The following TOGARAM2 variants were observed in gnomAD, a reference collection of about 807,000 sequenced individuals.
TOGARAM2 encodes the protein TOG array regulator of axonemal microtubules protein 2.
A neutral mutation model predicts 93.3 loss-of-function variants in TOGARAM2; 85 were observed. That is an observed-to-expected ratio of 0.91 (90% CI 0.76 to 1.09). TOGARAM2 has a LOEUF of 1.09. Ranked by LOEUF, TOGARAM2 falls within the 50% of genes least tolerant of loss-of-function variation. The pLI, the probability that TOGARAM2 is intolerant of heterozygous loss-of-function variation, is 0.00. For missense variants in TOGARAM2, 1,277 were observed against 1,334.5 expected (o/e 0.96, Z 0.67); for synonymous variants, 593 against 552.8 (o/e 1.07, Z -1.02).
At chr2:28,983,200 T>TATATATATATATATATATA (rs1558400424) in intron 1 of TOGARAM2, among the ~76,000 whole-genome samples, 1 of 21,270 alleles carries the variant, frequency 4.7e-5, no homozygotes, top group African/African-American at 1.7e-4. Flanking sequence ...ATATATATAT[T>TATATATATATATATATATA]TTTTTTTTTT....
chr2:29,035,000 A>G (rs1665995336), intron 16 of TOGARAM2, among the ~76,000 whole-genome samples: 1 of 152,072 alleles, frequency 6.6e-6, no homozygotes, highest in Admixed American at 6.5e-5. Context: ...ACATACAAAA[A>G]TTAGCCGGGC....
chr2:29,045,708 G>C (rs1220466107), intron 19 of TOGARAM2: 1 of 399,248 alleles, frequency 2.5e-6, no homozygotes, highest in Admixed American at 4.3e-5. Flanking sequence ...GAAACTTTTT[G>C]AGCGCTGACA....
chr2:28,998,211 C>T lies in TOGARAM2; in HGVS notation c.97C>T (p.Leu33Phe). ...TCGGACCAGTGCTGGGCCCCGGGTG[C>T]TCCCGCCTGGAAGCATCAACTCCAG... ...IPRTSAGPRV[L>F]PPGSINSSLP... The change falls in exon 3 of 20, where the codon CTC (leucine) becomes TTC (phenylalanine). Residue 33 changes from leucine to phenylalanine, a missense_variant. By Grantham distance (22) the Leu-to-Phe change is conservative. Transcript: ENST00000379558. 6.2e-7 allele frequency: 1 copy of T among 1,612,372 alleles called. No individual in the cohort carries two copies. The highest frequency in any genetic ancestry group is 8.5e-7 in the Non-Finnish European group (1 of 1,179,314).
At chr2:29,045,439 A>G (rs1283832259) in intron 19 of TOGARAM2, 29 bp downstream of exon 19, 1 of 1,174,744 alleles carries the variant, frequency 8.5e-7, no homozygotes, top group Non-Finnish European at 1.2e-6. Flanking sequence ...ACCCCACCCC[A>G]TCTCCTGGCA....
intron 11 of TOGARAM2, 67 bp downstream of exon 11, chr2:29,022,375 T>C: frequency 6.3e-7 from 1 of 1,576,504 alleles, no homozygotes; most frequent in East Asian, 2.3e-5. Context: ...GAATAGCTTC[T>C]GCCCCTCAAC....
chr2:29,043,050 T>C (rs373125860), intron 18 of TOGARAM2, among the ~76,000 whole-genome samples: 27 of 152,246 alleles, frequency 1.8e-4, no homozygotes, highest in African/African-American at 6.5e-4. Flanking sequence ...AAGAAGTCCT[T>C]GTCTTCAAAT....
At chr2:28,994,660 T>C (rs2148268778) in intron 1 of TOGARAM2, 65 bp from the exon 2 acceptor site, 1 of 579,346 alleles carries the variant, frequency 1.7e-6, no homozygotes, top group Non-Finnish European at 3.0e-6. Flanking sequence ...GAAGGGCTTT[T>C]TGTGAAGTAG....
rs531336993 is a variant in TOGARAM2, at chr2:29,022,082, C to T, written c.1361-76C>T. On this transcript the variant is annotated intron_variant, in intron 10 of 19. Transcript: ENST00000379558. ...TGGTGGCACGGCCTCCCATGGTGAGCGGTGGCAGGAGCGGCCACTCGGGCT... is the reference window on the plus strand; with the variant it reads ...TGGTGGCACGGCCTCCCATGGTGAGTGGTGGCAGGAGCGGCCACTCGGGCT... 199 of 1,578,872 alleles carry T rather than the reference C, an allele frequency of 1.3e-4. 1 individual carries two copies. The African/African-American group carries it at 2.2e-3, about 18-fold the overall frequency.
chr2:28,977,017 G>T (rs1672048007), upstream of TOGARAM2, among the ~76,000 whole-genome samples: 1 of 152,128 alleles, frequency 6.6e-6, no homozygotes, highest in Non-Finnish European at 1.5e-5. Flanking sequence ...TTTTCTACCT[G>T]GGGGGGCGTG....
chr2:28,963,142 A>C (rs1263973902), intron 1 of TOGARAM2, among the ~76,000 whole-genome samples: 1 of 152,002 alleles, frequency 6.6e-6, no homozygotes. Flanking sequence ...CATTTTAAGA[A>C]TTCAGTTCTT....
chr2:29,011,144 G>T (rs997751075), intron 6 of TOGARAM2, among the ~76,000 whole-genome samples: 1 of 152,202 alleles, frequency 6.6e-6, no homozygotes, highest in South Asian at 2.1e-4. Flanking sequence ...GCAGCACAGC[G>T]GGAGGGTGGG....
intron 1 of TOGARAM2, among the ~76,000 whole-genome samples, chr2:28,963,549 T>C (rs980569701): frequency 6.6e-6 from 1 of 152,174 alleles, no homozygotes; most frequent in African/African-American, 2.4e-5. Flanking sequence ...TAACTTTTAA[T>C]GTTTTTTTGT....
intron 11 of TOGARAM2, 142 bp from the exon 12 acceptor site, chr2:29,022,944 C>T (rs1665057143): frequency 1.5e-6 from 1 of 669,642 alleles, no homozygotes; most frequent in African/African-American, 1.8e-5. Context: ...CCCGGGAAAC[C>T]CTGCTCTGAG....
Position 29,024,393 on chromosome 2 carries a change from T to A in TOGARAM2, c.1853+19T>A, listed in dbSNP as rs1238721298. 1 of 1,584,584 alleles carries A rather than the reference T, an allele frequency of 6.3e-7. No homozygotes were observed. Among genetic ancestry groups the A allele is most frequent in the Admixed American group, 1.8e-5 (1 of 55,068 alleles). ...GTGTCTAGTATGTGGCTGCCTGTTG[T>A]CTGAGGGGCGGGGAAGTCAGGGAAG... is the stretch of plus-strand genomic sequence containing the variant. On this transcript the variant is annotated intron_variant, in intron 13 of 19. Transcript: ENST00000379558.
intron 10 of TOGARAM2, among the ~76,000 whole-genome samples, chr2:29,021,585 C>T (rs367992877): frequency 1.3e-5 from 2 of 152,176 alleles, no homozygotes; most frequent in South Asian, 2.1e-4. Flanking sequence ...TTGTGGGTCC[C>T]TGTGTGTGTG....
intron 6 of TOGARAM2, among the ~76,000 whole-genome samples, chr2:29,008,387 G>A (rs933450123): frequency 1.3e-5 from 2 of 151,982 alleles, no homozygotes; most frequent in African/African-American, 4.8e-5. Flanking sequence ...CTGACCTTAG[G>A]TGATCTGCCC....
intron 1 of TOGARAM2, among the ~76,000 whole-genome samples, chr2:28,983,488 C>T (rs758236166): frequency 6.6e-5 from 10 of 152,060 alleles, no homozygotes; most frequent in Admixed American, 3.3e-4. Context: ...TTGAGTGGGG[C>T]AGTCGTTTGT....
chr2:28,970,106 C>G lies in TOGARAM2; in HGVS notation c.-147+13409C>G, dbSNP rs139860884. ...GATTACAGGCATGAGCCACCGTGCC[C>G]GACATCGGTTGTCTTGTATACAATT... On this transcript the variant is annotated intron_variant, in intron 1 of 6. Transcript: ENST00000401723. Among the ~76,000 whole-genome samples, 248 of 152,246 alleles carry G rather than the reference C, an allele frequency of 1.6e-3. 3 individuals carry two copies. Among genetic ancestry groups the G allele is most frequent in the African/African-American group, 5.5e-3 (228 of 41,548 alleles).
At chr2:29,030,750 C>A (rs1327771596) in intron 14 of TOGARAM2, among the ~76,000 whole-genome samples, 1 of 152,184 alleles carries the variant, frequency 6.6e-6, no homozygotes, top group African/African-American at 2.4e-5. Flanking sequence ...GTCCTCATCT[C>A]CCTCTCCTGG....
Sources: allele counts gnomAD v4.1 joint callset (sites outside exome capture counted in the v4.1 genomes callset), GRCh38; gene constraint gnomAD v4.1.1; transcripts MANE v1.5; gene names NCBI Gene and HGNC (gene_info 2026-07-23, HGNC 2026-07-21).